The following CUBN variants were observed in gnomAD, a reference collection of about 807,000 sequenced individuals.
The protein encoded by CUBN is 460 kDa receptor.
Under a neutral mutation model 405.3 loss-of-function variants are expected in CUBN, and 282 were observed. The observed-to-expected ratio is 0.70, with a 90% CI of 0.63 to 0.77. The LOEUF is 0.77. Ranked by LOEUF, CUBN falls within the 30% of genes least tolerant of loss-of-function variation. The pLI is 0.00. For missense variants in CUBN, 4,514 were observed against 4,475.2 expected (o/e 1.01, Z -0.25); for synonymous variants, 1,684 against 1,617.0 (o/e 1.04, Z -0.99).
intron 36 of CUBN, among the ~76,000 whole-genome samples, chr10:16,945,118 C>G (rs1842740260): frequency 2.0e-5 from 3 of 152,152 alleles, no homozygotes; most frequent in Middle Eastern, 3.4e-3. Context: ...TCTTATCTGT[C>G]TTGAACACCT....
chr10:17,117,314 A>G (rs1836926527), intron 6 of CUBN, among the ~76,000 whole-genome samples: 1 of 152,184 alleles, frequency 6.6e-6, no homozygotes, highest in Non-Finnish European at 1.5e-5. Context: ...CTTCATTACT[A>G]AAAGTTTACT....
intron 22 of CUBN, among the ~76,000 whole-genome samples, chr10:17,055,156 A>C (rs1302542852): frequency 1.3e-5 from 2 of 152,118 alleles, no homozygotes; most frequent in Admixed American, 1.3e-4. Context: ...ATAATTTACC[A>C]CCTAAACAGA....
At chr10:17,115,742 G>A in intron 6 of CUBN, 145 bp from the exon 7 acceptor site, 1 of 947,444 alleles carries the variant, frequency 1.1e-6, no homozygotes, top group Non-Finnish European at 1.7e-6. Context: ...TTTACTGACT[G>A]GAGTCTCGGG....
At chr10:17,126,226 C>A (rs909682918) in intron 4 of CUBN, among the ~76,000 whole-genome samples, 1 of 152,190 alleles carries the variant, frequency 6.6e-6, no homozygotes, top group Non-Finnish European at 1.5e-5. Context: ...CAGCTTCCTA[C>A]AAAAGGGGTA....
intron 28 of CUBN, among the ~76,000 whole-genome samples, chr10:17,002,521 C>G (rs138732363): frequency 6.6e-6 from 1 of 152,114 alleles, no homozygotes; most frequent in Non-Finnish European, 1.5e-5. Context: ...CTTTTTCAAA[C>G]AGTGGCGACA....
chr10:16,933,528 C>A (rs959761111), intron 39 of CUBN, among the ~76,000 whole-genome samples: 1 of 152,140 alleles, frequency 6.6e-6, no homozygotes, highest in Non-Finnish European at 1.5e-5. Flanking sequence ...TGCTATATAA[C>A]CCATTTAATA....
At chr10:16,873,192 T>G (rs1006629678) in intron 58 of CUBN, among the ~76,000 whole-genome samples, 1 of 152,150 alleles carries the variant, frequency 6.6e-6, no homozygotes, top group African/African-American at 2.4e-5. Context: ...ACAATATTAC[T>G]GTCAGAGTTT....
chr10:17,047,262 C>T (rs1835157697), intron 23 of CUBN, 152 bp downstream of exon 23: 1 of 606,120 alleles, frequency 1.6e-6, no homozygotes, highest in Non-Finnish European at 2.8e-6. Context: ...CTAAGTCAGG[C>T]TCCAAATGAC....
chr10:16,915,742 G>T, intron 46 of CUBN, 79 bp downstream of exon 46: 2 of 1,233,372 alleles, frequency 1.6e-6, no homozygotes, highest in Non-Finnish European at 2.4e-6. Flanking sequence ...TGCCTTTCTT[G>T]GAAGTGAAGA....
chr10:17,043,049 T>C (rs1835050952), intron 26 of CUBN, among the ~76,000 whole-genome samples: 1 of 152,188 alleles, frequency 6.6e-6, no homozygotes, highest in Non-Finnish European at 1.5e-5. Context: ...TTTTCTTGAA[T>C]GTCCATTTTG....
intron 31 of CUBN, among the ~76,000 whole-genome samples, chr10:16,969,056 C>T (rs1843479007): frequency 6.6e-6 from 1 of 152,318 alleles, no homozygotes; most frequent in African/African-American, 2.4e-5. Flanking sequence ...CTCATTATAG[C>T]AGCATGCAAT....
intron 8 of CUBN, among the ~76,000 whole-genome samples, chr10:17,111,997 G>A (rs920795246): frequency 6.6e-6 from 1 of 152,170 alleles, no homozygotes; most frequent in African/African-American, 2.4e-5. Flanking sequence ...TTAAACTCTT[G>A]CATATGTGCT....
intron 56 of CUBN, among the ~76,000 whole-genome samples, chr10:16,878,923 C>T (rs1433826034): frequency 6.6e-6 from 1 of 152,170 alleles, no homozygotes; most frequent in African/African-American, 2.4e-5. Flanking sequence ...TGAATATTTT[C>T]CTTTTTATAG....
At chr10:17,085,866 C>A (rs1836096091) in intron 15 of CUBN, 107 bp from the exon 16 acceptor site, 3 of 1,071,246 alleles carry the variant, frequency 2.8e-6, no homozygotes, top group Non-Finnish European at 4.1e-6. Flanking sequence ...AGTGATCGCT[C>A]AAGGAAGTTT....
At chr10:17,030,640 C>A (rs1056060085) in intron 27 of CUBN, among the ~76,000 whole-genome samples, 6 of 152,084 alleles carry the variant, frequency 3.9e-5, no homozygotes, top group African/African-American at 9.7e-5. Flanking sequence ...CATTGTTGGT[C>A]GGGCGTGGTG....
intron 8 of CUBN, among the ~76,000 whole-genome samples, chr10:17,113,499 A>T (rs537645260): frequency 6.6e-6 from 1 of 152,320 alleles, no homozygotes; most frequent in South Asian, 2.1e-4. Context: ...AAACACAGGC[A>T]GTCTTTGACT....
At chr10:17,037,203 G>C (rs1834921338) in intron 27 of CUBN, among the ~76,000 whole-genome samples, 1 of 152,138 alleles carries the variant, frequency 6.6e-6, no homozygotes, top group African/African-American at 2.4e-5. Context: ...AAGAGTATTT[G>C]AAATAGATGC....
chr10:17,008,429 CGT>C (rs59235819), intron 28 of CUBN, among the ~76,000 whole-genome samples: 5,136 of 131,360 alleles, frequency 0.039, 111 homozygotes, highest in African/African-American at 0.053. Context: ...AATCCCTGCT[CGT>C]GTGTGTGTGT....
chr10:16,870,660 T>A (rs1840323069), intron 58 of CUBN, among the ~76,000 whole-genome samples: 1 of 152,204 alleles, frequency 6.6e-6, no homozygotes, highest in Non-Finnish European at 1.5e-5. Context: ...AAAACGAAGC[T>A]TCCATCAGCC....
Sources: allele counts gnomAD v4.1 joint callset (sites outside exome capture counted in the v4.1 genomes callset), GRCh38; gene constraint gnomAD v4.1.1; transcripts MANE v1.5; gene names NCBI Gene and HGNC (gene_info 2026-07-23, HGNC 2026-07-21).